IQSEC1: variants seen among roughly 807,000 people sequenced by gnomAD.
IQSEC1 encodes IQ motif and Sec7 domain ArfGEF 1, also known as IQ motif and SEC7 domain-containing protein 1.
Under a neutral mutation model 91.0 loss-of-function variants are expected in IQSEC1, and 31 were observed. That is an observed-to-expected ratio of 0.34 (90% CI 0.26 to 0.46). IQSEC1 has a LOEUF of 0.46. IQSEC1 is among the 20% of genes least tolerant of loss of function. The pLI, the probability that IQSEC1 is intolerant of heterozygous loss-of-function variation, is 1.00. For missense variants in IQSEC1, 1,388 were observed against 1,575.6 expected, an observed-to-expected ratio of 0.88 and a Z score of 2.02; for synonymous variants, 699 against 662.6, an observed-to-expected ratio of 1.05 and a Z score of -0.84.
At chr3:13,203,291 G>A (rs1694280275) in intron 1 of IQSEC1, among the ~76,000 whole-genome samples, 1 of 152,150 alleles carries the variant, frequency 6.6e-6, no homozygotes, top group Admixed American at 6.5e-5. Flanking sequence ...TGCAGCTGAG[G>A]CGTAGCAAGG....
At chr3:12,920,057 TCA>T (rs1175595281) in intron 6 of IQSEC1, among the ~76,000 whole-genome samples, 1 of 152,384 alleles carries the variant, frequency 6.6e-6, no homozygotes, top group East Asian at 1.9e-4. Flanking sequence ...CAAATGCTAC[TCA>T]TTCTCCATTT....
Position 12,900,095 on chromosome 3 carries a change from GT to G in IQSEC1, c.*887del. On this transcript the variant is annotated 3_prime_UTR_variant, in exon 14 of 14. Coordinates refer to ENST00000613206, the MANE Select transcript of IQSEC1 (RefSeq NM_001134382.3). ...AGTTGCTACTGTAGAGTGTACTGCA[GT>G]TTAGCTATTTGCTTACCTGAAATAA... 1.0e-6 allele frequency: 1 copy of G among 983,096 alleles called. No homozygotes were observed. Among genetic ancestry groups the G allele is most frequent in the Non-Finnish European group, 1.2e-6 (1 of 827,906 alleles). 60.9% of individuals were successfully genotyped at this position (983,096 alleles called of 1,614,324 possible).
intron 1 of IQSEC1, among the ~76,000 whole-genome samples, chr3:13,192,772 C>T (rs923615074): frequency 3.9e-5 from 6 of 152,246 alleles, no homozygotes; most frequent in Non-Finnish European, 4.4e-5. Context: ...AGACATTTCC[C>T]ACAGGCCCTG....
At chr3:13,074,078 AG>A (rs1375923915), upstream of IQSEC1, among the ~76,000 whole-genome samples, 3 of 152,212 alleles carry the variant, frequency 2.0e-5, no homozygotes, top group African/African-American at 7.2e-5. Flanking sequence ...TTACAGTCTA[AG>A]GGGAAGCCAG....
chr3:12,940,522 T>G lies in IQSEC1; in HGVS notation c.318+1049A>C, dbSNP rs1698652359. Among the ~76,000 whole-genome samples the G allele has an allele frequency of 1.3e-5, 2 of 151,976 alleles. No individual in the cohort carries two copies. ...GGTGGGAGTGAAGGCCAGGGGCTTC[T>G]GCAGCATGGAGTCTGGGAAGACGGG... On this transcript the variant is annotated intron_variant, in intron 2 of 13. Coordinates refer to ENST00000613206, the MANE Select transcript of IQSEC1 (RefSeq NM_001134382.3). The surrounding 1 kb of genome is among the most constrained non-coding windows in gnomAD (Gnocchi z 4.4).
intron 1 of IQSEC1, among the ~76,000 whole-genome samples, chr3:13,212,634 A>G (rs1024587385): frequency 6.6e-6 from 1 of 152,156 alleles, no homozygotes; most frequent in Non-Finnish European, 1.5e-5. Flanking sequence ...CTCACCCACA[A>G]TGCATGAGGG....
chr3:12,936,384 G>T lies in IQSEC1; in HGVS notation c.632C>A (p.Ser211Tyr), dbSNP rs745410560. Reference sequence around the variant, plus strand: ...CGCAAAGTCACTGGAGGGGGCCGGAGACTTGAGGGTGGTGGGCTCGCTGAG... The same window carrying T: ...CGCAAAGTCACTGGAGGGGGCCGGATACTTGAGGGTGGTGGGCTCGCTGAG... ...GDLSEPTTLK[S>Y]PAPSSDFADA... The change falls in exon 3 of 14, where the codon TCT becomes TAT. Residue 211 changes from serine (S) to tyrosine (Y), a missense_variant. By Grantham distance (144) the Ser-to-Tyr change is moderately radical. This residue lies in a region of IQSEC1 where 1,059 missense variants were observed against 1,317.8 expected (regional missense o/e 0.80). Transcript: ENST00000613206. The T allele has an allele frequency of 1.3e-6, 2 of 1,597,322 alleles. No individual in the cohort carries two copies. The highest frequency in any genetic ancestry group is 1.7e-5 in the Admixed American group (1 of 59,288).
At chr3:13,056,561 A>G (rs1419281373) in intron 1 of IQSEC1, among the ~76,000 whole-genome samples, 1 of 152,052 alleles carries the variant, frequency 6.6e-6, no homozygotes, top group Non-Finnish European at 1.5e-5. Context: ...AGACCTCCCC[A>G]AGCCTCCTCA....
At chr3:13,022,306 G>A (rs1390767471) in intron 1 of IQSEC1, 20 of 1,211,984 alleles carry the variant, frequency 1.7e-5, no homozygotes, top group Non-Finnish European at 2.0e-5. Context: ...CTGAGCCACA[G>A]GCCCCACTAT....
rs144564377 is a variant in IQSEC1, at chr3:13,054,241, G to A, written c.23+18751C>T. 1.2e-4 allele frequency among the ~76,000 whole-genome samples: 19 copies of A among 152,330 alleles called. No homozygotes were observed. In the East Asian group the frequency reaches 3.5e-3, roughly 28 times the overall value. On this transcript the variant is annotated intron_variant, in intron 1 of 13. Coordinates refer to ENST00000613206, the MANE Select transcript of IQSEC1 (RefSeq NM_001134382.3). Reference sequence around the variant, plus strand: ...AGGACCAATTCCCGGCATGGCTGGGGCACAGGAGGGATGTTTTTTGGGCTA... The same window carrying A: ...AGGACCAATTCCCGGCATGGCTGGGACACAGGAGGGATGTTTTTTGGGCTA...
At chr3:12,902,658 C>T in intron 13 of IQSEC1, 115 bp downstream of exon 13, 1 of 268,416 alleles carries the variant, frequency 3.7e-6, no homozygotes, top group South Asian at 2.8e-5. Context: ...AAAAAAACAA[C>T]AAAAAAAAAA....
chr3:12,972,146 CAA>C (rs375468102), intron 1 of IQSEC1, among the ~76,000 whole-genome samples: 1 of 149,496 alleles, frequency 6.7e-6, no homozygotes, highest in Non-Finnish European at 1.5e-5. Context: ...CCCATCTCTA[CAA>C]AAAAACAGAA....
At chr3:13,019,444 C>G (rs1040117497) in intron 1 of IQSEC1, among the ~76,000 whole-genome samples, 2 of 152,218 alleles carry the variant, frequency 1.3e-5, no homozygotes, top group Non-Finnish European at 2.9e-5. Context: ...GCTGTCCGAT[C>G]GCAACCCTCC....
At chr3:13,083,841 G>T (rs1489960344) in intron 2 of IQSEC1, among the ~76,000 whole-genome samples, 7 of 152,262 alleles carry the variant, frequency 4.6e-5, no homozygotes, top group African/African-American at 9.6e-5. Flanking sequence ...CTTGTGCGCA[G>T]CCTGGCATGG....
intron 1 of IQSEC1, among the ~76,000 whole-genome samples, chr3:13,169,585 G>A (rs565384874): frequency 2.0e-5 from 3 of 152,330 alleles, no homozygotes; most frequent in South Asian, 4.1e-4. Context: ...GAGACTTATT[G>A]AATGGCTTTG....
intron 2 of IQSEC1, among the ~76,000 whole-genome samples, chr3:13,113,185 G>A (rs554386200): frequency 1.2e-4 from 18 of 152,344 alleles, no homozygotes; most frequent in African/African-American, 4.1e-4. Flanking sequence ...GGGAAGCAGA[G>A]AGAGGGATGT....
chr3:13,060,711 C>T (rs1705036138), intron 1 of IQSEC1, among the ~76,000 whole-genome samples: 1 of 152,204 alleles, frequency 6.6e-6, no homozygotes, highest in Admixed American at 6.5e-5. Context: ...GCAGCATCAG[C>T]CCTGCCCCCG....
At chr3:13,164,078 C>T (rs7643470) in intron 2 of IQSEC1, among the ~76,000 whole-genome samples, 4,416 of 152,280 alleles carry the variant, frequency 0.029, 212 homozygotes, top group African/African-American at 0.1. Flanking sequence ...TTCAGACACA[C>T]GGACAGAGGT....
Position 13,096,880 on chromosome 3 carries a change from A to G in IQSEC1, c.303-49358T>C, listed in dbSNP as rs78235373. Among the ~76,000 whole-genome samples, 50 of 90,030 alleles carry G rather than the reference A, an allele frequency of 5.6e-4. 1 individual carries two copies. The East Asian group carries it at 0.018, about 32-fold the overall frequency. The allele number at this position is 90,030 out of a possible 152,430, so 59.1% of individuals were successfully genotyped here. ...TCTTTCTTTCTTTTTTTTTTTTTTG[A>G]AATGGAGTCTCGCTCTGTTGCCCAG... On this transcript the variant is annotated intron_variant, in intron 2 of 15. Coordinates refer to the IQSEC1 transcript ENST00000648114.
Sources: gnomAD v4.1 joint callset for allele counts (sites outside exome capture counted in the v4.1 genomes callset) on GRCh38, gnomAD v4.1.1 for gene constraint, gnomAD v4.1.1 regional missense constraint, Gnocchi (gnomAD v3.1) non-coding constraint, MANE v1.5 for transcripts, NCBI Gene and HGNC (gene_info 2026-07-23, HGNC 2026-07-21) for gene names.